The following CAMTA2 variants were observed in gnomAD, a reference collection of about 807,000 sequenced individuals.
CAMTA2 encodes calmodulin-binding transcription activator 2.
Under a neutral mutation model 135.7 loss-of-function variants are expected in CAMTA2, and 56 were observed. The ratio of observed to expected loss-of-function variants is 0.41; its 90% CI spans 0.33 to 0.52. The LOEUF is 0.52. CAMTA2 is among the 20% of genes least tolerant of loss of function. The pLI is 0.16. For synonymous variants in CAMTA2, 591 were observed against 604.6 expected (o/e 0.98, Z 0.33); for missense variants, 1,358 against 1,553.4 (o/e 0.87, Z 2.11).
chr17:4,976,428 G>C (rs1972623543), intron 11 of CAMTA2, among the ~76,000 whole-genome samples: 1 of 152,186 alleles, frequency 6.6e-6, no homozygotes, highest in African/African-American at 2.4e-5. Context: ...GCCGGGTGTG[G>C]TGGCTCACGC....
intron 16 of CAMTA2, 47 bp from the exon 17 acceptor site, chr17:4,970,583 C>A: frequency 6.7e-7 from 1 of 1,482,348 alleles, no homozygotes; most frequent in Non-Finnish European, 9.3e-7. Context: ...CCCCAGCTGC[C>A]AGCTGTAACC....
intron 10 of CAMTA2, among the ~76,000 whole-genome samples, chr17:4,977,981 G>T (rs762730126): frequency 4.6e-5 from 7 of 152,260 alleles, no homozygotes; most frequent in Non-Finnish European, 1.0e-4. Context: ...AACATGGTCA[G>T]TGAGACTGGG....
rs34249300 is a variant in CAMTA2 at position 4,972,263 on chromosome 17, G to T, written c.2777C>A (p.Ala926Asp). 2,138 of 1,613,994 alleles carry T rather than the reference G, an allele frequency of 1.3e-3. 25 individuals carry two copies. In the African/African-American group the frequency reaches 0.025, roughly 19 times the overall value. The change falls in exon 16 of 23, where the codon GCT becomes GAT. Residue 926 changes from alanine (A) to aspartate (D), a missense_variant. Coordinates refer to ENST00000348066, the MANE Select transcript of CAMTA2 (RefSeq NM_015099.4). ...CACATCCACAGCCTGTGGGCTGTCA[G>T]CGTCCTCTGGAGCAGCCCCATCATC... ...ASDDGAAPED[A>D]DSPQAVDVIP...
Position 4,980,731 on chromosome 17 carries a change from T to C in CAMTA2, c.701-110A>G. 2.5e-6 allele frequency: 2 copies of C among 806,458 alleles called. No individual in the cohort carries two copies. The highest frequency in any genetic ancestry group is 2.2e-5 in the Admixed American group (1 of 44,724). The allele number at this position is 806,458 out of a possible 1,614,324, so 50.0% of individuals were successfully genotyped here. On this transcript the variant is annotated intron_variant, in intron 8 of 22. Transcript: ENST00000348066. The surrounding 1 kb of genome is among the most constrained non-coding windows in gnomAD (Gnocchi z 5.3). ...CTGGGACGTCCCTATAAACCAGAGG[T>C]GTAATACTGATTGTAGCCACTGGGA...
chr17:4,973,447 TCCTCTCCCAAC>T, intron 13 of CAMTA2, 127 bp downstream of exon 13: 1 of 943,176 alleles, frequency 1.1e-6, no homozygotes, highest in South Asian at 1.5e-5. Context: ...AAAATATAAG[TCCTCTCCCAAC>T]CCCCTCCCTT....
intron 12 of CAMTA2, 82 bp from the exon 13 acceptor site, chr17:4,973,851 C>T (rs1383617961): frequency 5.5e-6 from 7 of 1,284,122 alleles, no homozygotes; most frequent in Non-Finnish European, 7.5e-6. Flanking sequence ...CACATCTGTC[C>T]TCCCAGCTTC....
chr17:4,982,078 T>C lies in CAMTA2; in HGVS notation c.411+11A>G. The C allele has an allele frequency of 6.2e-7, 1 of 1,608,418 alleles. No individual in the cohort carries two copies. The highest frequency in any genetic ancestry group is 8.5e-7 in the Non-Finnish European group (1 of 1,175,300). ...GGAAGAGGGTGGCTCCCTGGGCTCT[T>C]CCGTCCTTACCTGGAGCAGCCAGTA... On this transcript the variant is annotated intron_variant, in intron 6 of 22. Coordinates refer to ENST00000348066, the MANE Select transcript of CAMTA2 (RefSeq NM_015099.4).
chr17:4,983,007 C>T lies in CAMTA2; in HGVS notation c.172G>A (p.Asp58Asn), dbSNP rs1379753959. 3 of 1,614,184 alleles carry T rather than the reference C, an allele frequency of 1.9e-6. No individual in the cohort carries two copies. The highest frequency in any genetic ancestry group is 2.5e-6 in the Non-Finnish European group (3 of 1,180,022). ...TTTGGGGCACAAGACAGCCACTCATCATGCTTCTCAAAGGTGATCAGGTAG... is the reference window on the plus strand; with the variant it reads ...TTTGGGGCACAAGACAGCCACTCATTATGCTTCTCAAAGGTGATCAGGTAG... ...ASYLITFEKH[D>N]EWLSCAPKTR... Residue 58 changes from aspartate to asparagine, a missense_variant, in exon 4 of 23, where the codon GAT becomes AAT. Asp to Asn is a conservative substitution (Grantham distance 23). Transcript: ENST00000348066.
In CAMTA2 at chr17:4,968,644, A is replaced by G; in HGVS notation, c.*112T>C. ...GGGAGGAGGCCTACAGAGGGCTCCA[A>G]CAAAGGTGAACAGGAAAGCTGCCGA... is the stretch of plus-strand genomic sequence containing the variant. On this transcript the variant is annotated 3_prime_UTR_variant, in exon 23 of 23. Transcript: ENST00000348066. 7 of 1,252,818 alleles carry G rather than the reference A, an allele frequency of 5.6e-6. No individual in the cohort carries two copies. The highest frequency in any genetic ancestry group is 1.2e-5 in the South Asian group (1 of 81,848). The allele number at this position is 1,252,818 out of a possible 1,614,324, so 77.6% of individuals were successfully genotyped here.
In CAMTA2 at chr17:4,972,274, A is replaced by G; in HGVS notation, c.2766T>C (p.Ala922=). 2 of 1,613,976 alleles carry G rather than the reference A, an allele frequency of 1.2e-6. No homozygotes were observed. The highest frequency in any genetic ancestry group is 8.5e-7 in the Non-Finnish European group (1 of 1,179,974). Residue 922 remains alanine, a synonymous_variant, in exon 16 of 23, where the codon GCT becomes GCC. Coordinates refer to ENST00000348066, the MANE Select transcript of CAMTA2 (RefSeq NM_015099.4). ...ALPPASDDGA[A]PEDADSPQAV... ...CCTGTGGGCTGTCAGCGTCCTCTGG[A>G]GCAGCCCCATCATCTGAAGCTGGTG...
Position 4,973,158 on chromosome 17 carries a change from G to A in CAMTA2, c.2280+17C>T. On this transcript the variant is annotated intron_variant, in intron 14 of 22. Coordinates refer to ENST00000348066, the MANE Select transcript of CAMTA2 (RefSeq NM_015099.4). ...TGCTCCCTGCCCCATATGCGCTCAG[G>A]AATCCGTCATCCTCACCAGAGGGGT... The A allele has an allele frequency of 6.2e-7, 1 of 1,609,718 alleles. No individual in the cohort carries two copies. The highest frequency in any genetic ancestry group is 8.5e-7 in the Non-Finnish European group (1 of 1,176,400).
Position 4,970,326 on chromosome 17 carries a change from C to T in CAMTA2, c.3005+14G>A. On this transcript the variant is annotated intron_variant, in intron 17 of 22. Coordinates refer to ENST00000348066, the MANE Select transcript of CAMTA2 (RefSeq NM_015099.4). The stretch of plus-strand genomic sequence containing the variant: ...CCTTTGAAGAATCTGGAGGCTTTGT[C>T]CTGAGCTAGTCACCTGGGAGGGGTT... 4 of 1,613,774 alleles carry T rather than the reference C, an allele frequency of 2.5e-6. No individual in the cohort carries two copies. The highest frequency in any genetic ancestry group is 3.4e-6 in the Non-Finnish European group (4 of 1,179,648).
At position 4,979,992 on chromosome 17, in the gene CAMTA2, TGAA is replaced by T; in HGVS notation, c.1327_1329del (p.Phe443del). 2 of 1,613,572 alleles carry T rather than the reference TGAA, an allele frequency of 1.2e-6. No homozygotes were observed. Among genetic ancestry groups the T allele is most frequent in the Non-Finnish European group, 1.7e-6 (2 of 1,179,962 alleles). ...TCCTCCCCACTGTCATCATCTTGGA[TGAA>T]GAAGCAGTTTCCTCTTCTCCCACCT... On this transcript the variant is annotated inframe_deletion, in exon 9 of 23. Transcript: ENST00000348066.
In CAMTA2 at chr17:4,972,503, G is replaced by C. The variant is rs759655724; in HGVS notation, c.2537C>G (p.Ser846Trp). The C allele has an allele frequency of 6.2e-7, 1 of 1,609,764 alleles. No individual in the cohort carries two copies. The highest frequency in any genetic ancestry group is 2.2e-5 in the East Asian group (1 of 44,730). The change falls in exon 16 of 23, where the codon TCG (serine) becomes TGG (tryptophan). Residue 846 changes from serine (S) to tryptophan (W), a missense_variant. Transcript: ENST00000348066. ...LSSVSSPSEL[S>W]DGTFSVTSAY... ...TGACGTGACGGAAAAGGTGCCATCC[G>C]ACAGCTCCGAGGGCGAGGAGACGCT...
chr17:4,979,579 AG>A, intron 9 of CAMTA2, 104 bp downstream of exon 9: 1 of 670,510 alleles, frequency 1.5e-6, no homozygotes, highest in Non-Finnish European at 2.5e-6. Context: ...ATGAAAACTG[AG>A]GGAAACTAGG....
rs936432110 is a variant in CAMTA2 at position 4,969,770 on chromosome 17, T to C, written c.3190-69A>G. 2.1e-5 allele frequency: 33 copies of C among 1,602,580 alleles called. No individual in the cohort carries two copies. The highest frequency in any genetic ancestry group is 2.6e-5 in the Non-Finnish European group (30 of 1,170,824). ...CATATCTGACTTGTCCCTTCAACTT[T>C]CCTGGGGTTCCCCTGACCCTTTACC... On this transcript the variant is annotated intron_variant, in intron 18 of 22. Transcript: ENST00000348066. The surrounding 1 kb of genome is among the most constrained non-coding windows in gnomAD (Gnocchi z 5.6).
Position 4,981,236 on chromosome 17 carries a change from C to T in CAMTA2, c.689G>A (p.Ser230Asn). 1 of 1,613,762 alleles carries T rather than the reference C, an allele frequency of 6.2e-7. No homozygotes were observed. Residue 230 changes from serine (S) to asparagine (N), a missense_variant, in exon 8 of 23, where the codon AGT (serine) becomes AAT (asparagine). Ser to Asn is a conservative substitution (Grantham distance 46). This residue lies in a region of CAMTA2 where 1,077 missense variants were observed against 1,127.5 expected (regional missense o/e 0.96). Transcript: ENST00000348066. ...AGGGAGTAACTTACCAAGCCCCCCA[C>T]TGCAGAGACAGGCGTGGGTTCGGGG... ...PAPRTHACLC[S>N]GGLGSGSLTH...
chr17:4,980,659 C>T lies in CAMTA2; in HGVS notation c.701-38G>A. 6.7e-7 allele frequency: 1 copy of T among 1,495,948 alleles called. No individual in the cohort carries two copies. The allele number at this position is 1,495,948 out of a possible 1,614,324, so 92.7% of individuals were successfully genotyped here. On this transcript the variant is annotated intron_variant, in intron 8 of 22. Coordinates refer to ENST00000348066, the MANE Select transcript of CAMTA2 (RefSeq NM_015099.4). This position sits in a 1 kb window ranked among gnomAD's most constrained non-coding sequence, Gnocchi z 5.3. ...GGAGTAGGAGGGAGAGGAGATAAGACACATCATTCCGCACCTTCTCTACCT... is the reference window on the plus strand; with the variant it reads ...GGAGTAGGAGGGAGAGGAGATAAGATACATCATTCCGCACCTTCTCTACCT...
At position 4,970,099 on chromosome 17, in the gene CAMTA2, G is replaced by A. The variant is rs777350901; in HGVS notation, c.3006-14C>T. On this transcript the variant is annotated splice_polypyrimidine_tract_variant and intron_variant, in intron 17 of 22. Coordinates refer to ENST00000348066, the MANE Select transcript of CAMTA2 (RefSeq NM_015099.4). The stretch of plus-strand genomic sequence containing the variant: ...AAGGGCAGTTCGCTGTAGGCGGTAG[G>A]GAAAGAGGGTGTCATGAAGCATCTG... 5.6e-6 allele frequency: 9 copies of A among 1,611,630 alleles called. No homozygotes were observed. The highest frequency in any genetic ancestry group is 1.1e-5 in the South Asian group (1 of 90,958).
Sources: gnomAD v4.1 joint callset for allele counts (sites outside exome capture counted in the v4.1 genomes callset) on GRCh38, gnomAD v4.1.1 for gene constraint, gnomAD v4.1.1 regional missense constraint, Gnocchi (gnomAD v3.1) non-coding constraint, MANE v1.5 for transcripts, NCBI Gene and HGNC (gene_info 2026-07-23, HGNC 2026-07-21) for gene names.